PDE3B: variants seen among roughly 807,000 people sequenced by gnomAD.
PDE3B encodes the protein cGMP-inhibited 3',5'-cyclic phosphodiesterase 3B.
A neutral mutation model predicts 116.8 loss-of-function variants in PDE3B; 66 were observed. The ratio of observed to expected loss-of-function variants is 0.56; its 90% CI spans 0.46 to 0.69. The LOEUF (loss-of-function observed/expected upper bound fraction) is 0.69, where lower values mean the gene tolerates loss of function less well. Among genes scored for constraint, PDE3B ranks in the 30% least tolerant of loss-of-function variants. The pLI is 0.00. For missense variants in PDE3B, 1,384 were observed against 1,368.1 expected, an observed-to-expected ratio of 1.01 and a Z score of -0.18; for synonymous variants, 595 against 533.6, an observed-to-expected ratio of 1.12 and a Z score of -1.59.
intron 7 of PDE3B, among the ~76,000 whole-genome samples, chr11:14,828,773 A>G (rs1044165459): frequency 6.6e-6 from 1 of 152,172 alleles, no homozygotes; most frequent in Non-Finnish European, 1.5e-5. Flanking sequence ...AGACCTAAAA[A>G]TAGAAATACC....
intron 1 of PDE3B, among the ~76,000 whole-genome samples, chr11:14,730,090 C>CA (rs1856416349): frequency 6.6e-6 from 1 of 152,156 alleles, no homozygotes; most frequent in Non-Finnish European, 1.5e-5. Context: ...AATGAACACT[C>CA]ACTTGCCCCT....
At position 14,668,257 on chromosome 11, in the gene PDE3B, A is replaced by G. The variant is rs184724588; in HGVS notation, c.978+23204A>G. On this transcript the variant is annotated intron_variant, in intron 1 of 15. Coordinates refer to ENST00000282096, the MANE Select transcript of PDE3B (RefSeq NM_000922.4). Reference sequence around the variant, plus strand: ...TTTAATTGGTACTTAGAGCCAAGAAATACATGTGGGCCTACATTTTTTTGC... The same window carrying G: ...TTTAATTGGTACTTAGAGCCAAGAAGTACATGTGGGCCTACATTTTTTTGC... Among the ~76,000 whole-genome samples the G allele has an allele frequency of 1.6e-3, 247 of 152,282 alleles. 1 individual carries two copies. The highest frequency in any genetic ancestry group is 1.4e-3 in the Non-Finnish European group (98 of 68,012).
At chr11:14,803,134 A>T (rs972208882) in intron 4 of PDE3B, among the ~76,000 whole-genome samples, 1 of 152,206 alleles carries the variant, frequency 6.6e-6, no homozygotes, top group Non-Finnish European at 1.5e-5. Context: ...GCTAATCTGT[A>T]GTCAGGGAAA....
chr11:14,742,687 T>C (rs1856805196), intron 1 of PDE3B, among the ~76,000 whole-genome samples: 1 of 152,172 alleles, frequency 6.6e-6, no homozygotes, highest in South Asian at 2.1e-4. Context: ...TTTTCAGCCT[T>C]TTTGTGCTGG....
intron 1 of PDE3B, among the ~76,000 whole-genome samples, chr11:14,754,379 G>T (rs1310049388): frequency 1.3e-5 from 2 of 151,870 alleles, no homozygotes; most frequent in African/African-American, 4.8e-5. Flanking sequence ...AACATTTCTT[G>T]AGATCAATCT....
At chr11:14,777,133 A>T (rs1384675343) in intron 2 of PDE3B, among the ~76,000 whole-genome samples, 10 of 152,224 alleles carry the variant, frequency 6.6e-5, no homozygotes, top group Non-Finnish European at 1.5e-4. Flanking sequence ...ACTGGATGGG[A>T]TGAATAACAG....
At chr11:14,862,328 C>G (rs1847966938) in intron 14 of PDE3B, among the ~76,000 whole-genome samples, 1 of 152,186 alleles carries the variant, frequency 6.6e-6, no homozygotes. Context: ...ATTCCAAGGT[C>G]TCTTTCAACC....
chr11:14,788,545 A>G (rs895020795), intron 3 of PDE3B, among the ~76,000 whole-genome samples: 1 of 152,030 alleles, frequency 6.6e-6, no homozygotes, highest in African/African-American at 2.4e-5. Context: ...ATAATGGTCA[A>G]AAATGGAATA....
chr11:14,869,881 G>A lies in PDE3B; in HGVS notation c.*221G>A, dbSNP rs1425749690. The stretch of plus-strand genomic sequence containing the variant: ...TATTCTTAAACCAAAAATACCATCC[G>A]TGTTGACCCATGTTGCAGAGCCCTT... On this transcript the variant is annotated 3_prime_UTR_variant, in exon 16 of 16. Coordinates refer to ENST00000282096, the MANE Select transcript of PDE3B (RefSeq NM_000922.4). 1.3e-5 allele frequency: 6 copies of A among 453,498 alleles called. No homozygotes were observed. Among genetic ancestry groups the A allele is most frequent in the South Asian group, 1.1e-4 (3 of 28,110 alleles). 28.1% of individuals were successfully genotyped at this position (453,498 alleles called of 1,614,324 possible). A position where few individuals can be genotyped will look rare whatever the true frequency, so the allele number is the denominator to read the frequency against.
intron 15 of PDE3B, among the ~76,000 whole-genome samples, chr11:14,868,909 T>A (rs1363695054): frequency 6.6e-6 from 1 of 151,972 alleles, no homozygotes; most frequent in Non-Finnish European, 1.5e-5. Context: ...TAGTCCCAGC[T>A]ACTAGGGAGG....
rs1344716091 is a variant in PDE3B, at chr11:14,644,037, G to A, written c.-39G>A. On this transcript the variant is annotated 5_prime_UTR_variant, in exon 1 of 16. Coordinates refer to ENST00000282096, the MANE Select transcript of PDE3B (RefSeq NM_000922.4). ...CGCGAGCGGCCGCTACGGTACGAGCGGGGTGTGCTGAGTCCCGTGGCCACC... is the reference window on the plus strand; with the variant it reads ...CGCGAGCGGCCGCTACGGTACGAGCAGGGTGTGCTGAGTCCCGTGGCCACC... The A allele has an allele frequency of 3.8e-5, 54 of 1,423,054 alleles. No individual in the cohort carries two copies. Among genetic ancestry groups the A allele is most frequent in the Non-Finnish European group, 4.5e-5 (50 of 1,099,152 alleles). The allele number at this position is 1,423,054 out of a possible 1,614,324, so 88.2% of individuals were successfully genotyped here. A position where few individuals can be genotyped will look rare whatever the true frequency, so the allele number is the denominator to read the frequency against.
At chr11:14,694,107 T>C (rs1028290664) in intron 1 of PDE3B, among the ~76,000 whole-genome samples, 4 of 152,146 alleles carry the variant, frequency 2.6e-5, no homozygotes, top group African/African-American at 9.7e-5. Context: ...TGTGACTGAA[T>C]TACTTCAGTG....
intron 4 of PDE3B, 35 bp from the exon 5 acceptor site, chr11:14,803,909 T>G: frequency 8.3e-7 from 1 of 1,198,256 alleles, no homozygotes; most frequent in Non-Finnish European, 1.2e-6. Context: ...TTTTCCTGTT[T>G]TTAAAAATTT....
At chr11:14,742,819 C>A (rs1251121079) in intron 1 of PDE3B, among the ~76,000 whole-genome samples, 2 of 152,074 alleles carry the variant, frequency 1.3e-5, no homozygotes, top group African/African-American at 2.4e-5. Context: ...GACAGTCAGG[C>A]CCCTATGCTG....
At chr11:14,893,860 T>G in the PDE3B span, among the ~76,000 whole-genome samples, 1 of 152,184 alleles carries the variant, frequency 6.6e-6, no homozygotes, top group Non-Finnish European at 1.5e-5. Flanking sequence ...GGGATTAGTA[T>G]GTGGACCTAT....
At chr11:14,876,439 C>T (rs1365654553), downstream of PDE3B, among the ~76,000 whole-genome samples, 2 of 152,080 alleles carry the variant, frequency 1.3e-5, no homozygotes, top group African/African-American at 4.8e-5. Context: ...GGTCTTCTGA[C>T]TCTTCATAAT....
intron 1 of PDE3B, among the ~76,000 whole-genome samples, chr11:14,763,272 T>TG (rs981580491): frequency 1.3e-5 from 2 of 152,052 alleles, no homozygotes; most frequent in African/African-American, 4.8e-5. Flanking sequence ...TGTCAAATGA[T>TG]GATGGATCAG....
the PDE3B span, among the ~76,000 whole-genome samples, chr11:14,878,580 A>G: frequency 6.6e-6 from 1 of 152,118 alleles, no homozygotes; most frequent in Non-Finnish European, 1.5e-5. Context: ...ATATGCCACA[A>G]AAGATCTAAT....
chr11:14,859,343 T>C (rs1406192511), intron 13 of PDE3B, 97 bp downstream of exon 13: 1 of 733,616 alleles, frequency 1.4e-6, no homozygotes, highest in East Asian at 2.7e-5. Flanking sequence ...TTATTACTAC[T>C]TAGGAAGTAA....
Sources: gnomAD v4.1 joint callset for allele counts (sites outside exome capture counted in the v4.1 genomes callset) on GRCh38, gnomAD v4.1.1 for gene constraint, MANE v1.5 for transcripts, NCBI Gene and HGNC (gene_info 2026-07-23, HGNC 2026-07-21) for gene names.